LYRM4: variants seen among roughly 807,000 people sequenced by gnomAD.
The protein encoded by LYRM4 is LYR motif-containing protein 4.
A neutral mutation model predicts 11.7 loss-of-function variants in LYRM4; 9 were observed. The ratio of observed to expected loss-of-function variants is 0.77; its 90% CI spans 0.46 to 1.34. The LOEUF (loss-of-function observed/expected upper bound fraction) is 1.34, where lower values mean the gene tolerates loss of function less well. Among genes scored for constraint, LYRM4 ranks in the 40% most tolerant of loss-of-function variants. The pLI is 0.00. For synonymous variants in LYRM4, 42 were observed against 40.4 expected (o/e 1.04, Z -0.15); for missense variants, 133 against 112.5 (o/e 1.18, Z -0.82).
At chr6:5,101,176 T>TCCTCCTTCTGAATATTACTC (rs1762488444), downstream of LYRM4, among the ~76,000 whole-genome samples, 1 of 152,192 alleles carries the variant, frequency 6.6e-6, no homozygotes, top group African/African-American at 2.4e-5. Context: ...TAGAAGTAGT[T>TCCTCCTTCTGAATATTACTC]CCTCCTTCTG....
In LYRM4 at chr6:5,141,220, C is replaced by T. The variant is rs1240836199; in HGVS notation, c.208-31729G>A. On this transcript the variant is annotated intron_variant, in intron 2 of 2. Coordinates refer to ENST00000330636, the MANE Select transcript of LYRM4 (RefSeq NM_020408.6). Reference sequence around the variant, plus strand: ...GGTGGTATGTCTCAGGGTCCTCATGCTCACATATTTTCTATTAAGAGGATG... The same window carrying T: ...GGTGGTATGTCTCAGGGTCCTCATGTTCACATATTTTCTATTAAGAGGATG... Among the ~76,000 whole-genome samples the T allele has an allele frequency of 2.0e-5, 3 of 152,302 alleles. No homozygotes were observed. In the East Asian group the frequency reaches 5.8e-4, roughly 29 times the overall value.
the LYRM4 span, among the ~76,000 whole-genome samples, chr6:5,071,139 A>G: frequency 6.6e-6 from 1 of 150,714 alleles, no homozygotes; most frequent in African/African-American, 2.4e-5. Context: ...CAGTGAACCA[A>G]GATCGTGCCA....
chr6:5,122,259 A>G (rs963777025), intron 2 of LYRM4, among the ~76,000 whole-genome samples: 6 of 152,076 alleles, frequency 3.9e-5, no homozygotes, highest in African/African-American at 1.4e-4. Context: ...ACAGAGAATA[A>G]TCACCCACAC....
At chr6:5,085,998 C>A in the LYRM4 span, 3 of 1,524,532 alleles carry the variant, frequency 2.0e-6, no homozygotes, top group Non-Finnish European at 2.6e-6. Flanking sequence ...CTATGCGTGC[C>A]GAGGACCTGG....
At chr6:5,234,419 G>A (rs940487992) in intron 1 of LYRM4, among the ~76,000 whole-genome samples, 1 of 152,120 alleles carries the variant, frequency 6.6e-6, no homozygotes, top group Non-Finnish European at 1.5e-5. Flanking sequence ...ATCAAAACAG[G>A]ACAAGCTTTA....
At chr6:5,043,683 C>A in the LYRM4 span, among the ~76,000 whole-genome samples, 1 of 152,132 alleles carries the variant, frequency 6.6e-6, no homozygotes, top group Non-Finnish European at 1.5e-5. Context: ...CTCTGTGCCA[C>A]CCCCCATTCC....
At position 5,203,773 on chromosome 6, in the gene LYRM4, G is replaced by A. The variant is rs78904024; in HGVS notation, c.207+12845C>T. Among the ~76,000 whole-genome samples, 913 of 152,298 alleles carry A rather than the reference G, an allele frequency of 6.0e-3. 11 individuals are homozygous for A. The highest frequency in any genetic ancestry group is 0.043 in the South Asian group (209 of 4,822). On this transcript the variant is annotated intron_variant, in intron 2 of 2. Coordinates refer to ENST00000330636, the MANE Select transcript of LYRM4 (RefSeq NM_020408.6). Reference sequence around the variant, plus strand: ...AGCCTGCAGCTGGGCAGGGCCCCTCGTGTTGCGTCTAAGCGGCTGGAGAGC... The same window carrying A: ...AGCCTGCAGCTGGGCAGGGCCCCTCATGTTGCGTCTAAGCGGCTGGAGAGC...
chr6:5,241,722 G>A (rs748761210), intron 1 of LYRM4, among the ~76,000 whole-genome samples: 3 of 152,136 alleles, frequency 2.0e-5, no homozygotes, highest in African/African-American at 7.2e-5. Context: ...CCTGTTACAC[G>A]GTGGAAGCTC....
chr6:5,221,822 C>G (rs973188349), intron 1 of LYRM4, among the ~76,000 whole-genome samples: 2 of 152,204 alleles, frequency 1.3e-5, no homozygotes, highest in Admixed American at 1.3e-4. Flanking sequence ...TAAATTCTTT[C>G]CTTTCCCAGA....
chr6:5,246,044 T>C (rs144810991), intron 1 of LYRM4, among the ~76,000 whole-genome samples: 6 of 152,058 alleles, frequency 3.9e-5, no homozygotes, highest in African/African-American at 1.4e-4. Context: ...TTTAAAAAAT[T>C]AAAAAAAGGG....
At chr6:5,085,409 T>C in the LYRM4 span, 1 of 1,125,204 alleles carries the variant, frequency 8.9e-7, no homozygotes, top group South Asian at 1.5e-5. Flanking sequence ...CCTGCGCTCC[T>C]TCCACGGCCC....
chr6:5,046,106 C>T, the LYRM4 span, among the ~76,000 whole-genome samples: 1 of 152,104 alleles, frequency 6.6e-6, no homozygotes, highest in Non-Finnish European at 1.5e-5. Context: ...ATGAGCTTAC[C>T]ACAGCTTTTT....
At chr6:5,247,587 CAT>C (rs1230737269) in intron 1 of LYRM4, among the ~76,000 whole-genome samples, 1 of 152,126 alleles carries the variant, frequency 6.6e-6, no homozygotes, top group Non-Finnish European at 1.5e-5. Context: ...ATGCAGAAAA[CAT>C]GTATAAAATC....
intron 2 of LYRM4, among the ~76,000 whole-genome samples, chr6:5,122,196 G>A (rs1449464097): frequency 2.0e-5 from 3 of 152,144 alleles, no homozygotes; most frequent in East Asian, 1.9e-4. Flanking sequence ...CCCTGGTTTT[G>A]CCTGTCACCT....
At chr6:5,037,831 C>A in the LYRM4 span, among the ~76,000 whole-genome samples, 6 of 60,020 alleles carry the variant, frequency 1.0e-4, 1 homozygote, top group East Asian at 0.012. Flanking sequence ...CCCCCTCCCC[C>A]CTCCCGGACG....
At chr6:5,195,103 T>C (rs535492517) in intron 2 of LYRM4, among the ~76,000 whole-genome samples, 29 of 152,300 alleles carry the variant, frequency 1.9e-4, no homozygotes, top group African/African-American at 7.0e-4. Context: ...ATACACACAA[T>C]AGACAAATGA....
At chr6:5,083,858 T>A in the LYRM4 span, among the ~76,000 whole-genome samples, 1 of 152,186 alleles carries the variant, frequency 6.6e-6, no homozygotes. Context: ...AATCCCCAAC[T>A]TTCTATATAA....
At chr6:5,072,162 C>G in the LYRM4 span, among the ~76,000 whole-genome samples, 452 of 152,266 alleles carry the variant, frequency 3.0e-3, 1 homozygote, top group African/African-American at 0.01. Flanking sequence ...AATCTTGTTC[C>G]TTTTTGTGGT....
downstream of LYRM4, among the ~76,000 whole-genome samples, chr6:5,100,191 G>C (rs1462991618): frequency 6.6e-6 from 1 of 152,152 alleles, no homozygotes; most frequent in Admixed American, 6.6e-5. Context: ...GTGCCAAACT[G>C]CAAGTTACAG....
Sources: gnomAD v4.1 joint callset for allele counts (sites outside exome capture counted in the v4.1 genomes callset) on GRCh38, gnomAD v4.1.1 for gene constraint, MANE v1.5 for transcripts, NCBI Gene and HGNC (gene_info 2026-07-23, HGNC 2026-07-21) for gene names.